Variants in THUMPD2 observed in about 807,000 individuals in gnomAD.
THUMPD2 encodes U6 snRNA (guanine-N(2))-methyltransferase THUMPD2.
Under a neutral mutation model 49.4 loss-of-function variants are expected in THUMPD2, and 56 were observed. The ratio of observed to expected loss-of-function variants is 1.13; its 90% confidence interval spans 0.91 to 1.41. The LOEUF (loss-of-function observed/expected upper bound fraction) is 1.41, where lower values mean the gene tolerates loss of function less well. THUMPD2 is among the 40% of genes most tolerant of loss of function. The probability of loss-of-function intolerance (pLI) is 0.00; values close to 1 mark genes in which losing one functional copy is unlikely to be tolerated. For synonymous variants in THUMPD2, 237 were observed against 205.2 expected, an observed-to-expected ratio of 1.15 and a Z score of -1.32; for missense variants, 709 against 594.5, an observed-to-expected ratio of 1.19 and a Z score of -2.00.
intron 8 of THUMPD2, 195 bp from the exon 9 acceptor site, chr2:39,744,673 T>C (rs974580649): frequency 2.1e-5 from 8 of 379,160 alleles, no homozygotes; most frequent in Non-Finnish European, 3.7e-5. Context: ...GTTATTGTAT[T>C]CTGTTCGTTG....
At position 39,779,251 on chromosome 2, in the gene THUMPD2, C is replaced by T. The variant is rs751989385; in HGVS notation, c.-12G>A. The T allele has an allele frequency of 1.6e-5, 24 of 1,476,784 alleles. No individual in the cohort carries two copies. The highest frequency in any genetic ancestry group is 2.1e-5 in the Non-Finnish European group (24 of 1,122,682). The allele number at this position is 1,476,784 out of a possible 1,614,324, so 91.5% of individuals were successfully genotyped here. On this transcript the variant is annotated 5_prime_UTR_variant, in exon 1 of 10. Coordinates refer to ENST00000505747, the MANE Select transcript of THUMPD2 (RefSeq NM_025264.5). ...CGCGCCTCCGACATGGCGGCTCAGGCGCGCCCTCGCGCCTTCGGGTCACGT... is the reference window on the plus strand; with the variant it reads ...CGCGCCTCCGACATGGCGGCTCAGGTGCGCCCTCGCGCCTTCGGGTCACGT...
intron 8 of THUMPD2, among the ~76,000 whole-genome samples, chr2:39,749,423 G>C (rs1174511595): frequency 6.6e-6 from 1 of 152,178 alleles, no homozygotes; most frequent in East Asian, 1.9e-4. Context: ...GCTTCATTTT[G>C]CTTAGGTGCA....
At chr2:39,748,893 G>A (rs1162391413) in intron 8 of THUMPD2, among the ~76,000 whole-genome samples, 4 of 151,758 alleles carry the variant, frequency 2.6e-5, no homozygotes, top group African/African-American at 9.7e-5. Context: ...GAGATGGGAG[G>A]ACTGCTTGAG....
At chr2:39,771,998 C>T (rs1421230316) in intron 1 of THUMPD2, among the ~76,000 whole-genome samples, 2 of 152,096 alleles carry the variant, frequency 1.3e-5, no homozygotes, top group African/African-American at 4.8e-5. Flanking sequence ...CACATTAAAA[C>T]ATAAGATTTA....
At chr2:39,746,865 T>G (rs1432230490) in intron 8 of THUMPD2, among the ~76,000 whole-genome samples, 1 of 151,366 alleles carries the variant, frequency 6.6e-6, no homozygotes, top group Non-Finnish European at 1.5e-5. Context: ...ATATCCTTCT[T>G]CCTATTTTTG....
At chr2:39,748,311 T>C (rs914317036) in intron 8 of THUMPD2, among the ~76,000 whole-genome samples, 2 of 152,224 alleles carry the variant, frequency 1.3e-5, no homozygotes, top group Admixed American at 6.5e-5. Context: ...ACCCAACTGA[T>C]GGACAAGCAA....
rs1388384820 is a variant in THUMPD2 at position 39,751,980 on chromosome 2, G to A, written c.1078+3315C>T. ...GGGATTATAGGCATAAAGCCACTGC[G>A]CCTGACTAAGATAATTTCTTTTTAT... is the stretch of plus-strand genomic sequence containing the variant. On this transcript the variant is annotated intron_variant, in intron 8 of 9. Coordinates refer to ENST00000505747, the MANE Select transcript of THUMPD2 (RefSeq NM_025264.5). Among the ~76,000 whole-genome samples, 5 of 152,018 alleles carry A rather than the reference G, an allele frequency of 3.3e-5. No individual in the cohort carries two copies. In the South Asian group the frequency reaches 8.3e-4, roughly 25 times the overall value.
Position 39,766,103 on chromosome 2 carries a change from T to A in THUMPD2, c.757A>T (p.Ile253Leu). 6.3e-7 allele frequency: 1 copy of A among 1,576,678 alleles called. No homozygotes were observed. The highest frequency in any genetic ancestry group is 8.6e-7 in the Non-Finnish European group (1 of 1,167,048). The stretch of plus-strand genomic sequence containing the variant: ...ACAGAGTAAATGTCATTTAGATGTA[T>A]AAAGATCTGAAAGAACAAACACAGA... ...DLRNPQLEIF[I>L]HLNDIYSVVG... Residue 253 changes from isoleucine (I) to leucine (L), a missense_variant, in exon 5 of 10, where the codon ATA (isoleucine) becomes TTA (leucine). Physicochemically the swap from Ile to Leu is conservative, Grantham distance 5. Transcript: ENST00000505747.
chr2:39,764,870 A>C (rs911116460), intron 5 of THUMPD2, among the ~76,000 whole-genome samples: 3 of 152,232 alleles, frequency 2.0e-5, no homozygotes, highest in African/African-American at 7.2e-5. Flanking sequence ...TCAAGGTCTC[A>C]GTCTTAATTT....
chr2:39,779,125 C>G lies in THUMPD2; in HGVS notation c.115G>C (p.Ala39Pro), dbSNP rs1228699915. The G allele has an allele frequency of 2.6e-6, 4 of 1,511,570 alleles. No homozygotes were observed. Among genetic ancestry groups the G allele is most frequent in the Non-Finnish European group, 3.5e-6 (4 of 1,136,248 alleles). 93.6% of individuals were successfully genotyped at this position (1,511,570 alleles called of 1,614,324 possible). A position where few individuals can be genotyped will look rare whatever the true frequency, so the allele number is the denominator to read the frequency against. The part of the protein sequence containing the change: ...FVMREVRARL[A>P]ATQVEYISGK... ...CGAGGCCAACTCACCTGCGTGGCCG[C>G]CAGCCGCGCCCGCACCTCTCGCATT... Residue 39 changes from alanine to proline, a missense_variant, in exon 1 of 10, where the codon GCG (alanine) becomes CCG (proline). Physicochemically the swap from Ala to Pro is conservative, Grantham distance 27 (BLOSUM62 -1). Coordinates refer to ENST00000505747, the MANE Select transcript of THUMPD2 (RefSeq NM_025264.5).
At chr2:39,754,092 C>T (rs1675784862) in intron 8 of THUMPD2, among the ~76,000 whole-genome samples, 1 of 152,096 alleles carries the variant, frequency 6.6e-6, no homozygotes, top group South Asian at 2.1e-4. Context: ...CTCAGTACTC[C>T]CTCCTTCATG....
rs573458232 is a variant in THUMPD2, at chr2:39,770,974, T to C, written c.262+531A>G. On this transcript the variant is annotated intron_variant, in intron 2 of 9. Coordinates refer to ENST00000505747, the MANE Select transcript of THUMPD2 (RefSeq NM_025264.5). ...AGATCCATATGTTGTTTTAGCAGCATATTTATAAAATTTAGAGAGTGGACA... is the reference window on the plus strand; with the variant it reads ...AGATCCATATGTTGTTTTAGCAGCACATTTATAAAATTTAGAGAGTGGACA... 3.9e-5 allele frequency among the ~76,000 whole-genome samples: 6 copies of C among 152,266 alleles called. No homozygotes were observed. The East Asian group carries it at 5.8e-4, about 15-fold the overall frequency.
At position 39,745,624 on chromosome 2, in the gene THUMPD2, T is replaced by C. The variant is rs943289573; in HGVS notation, c.1079-1146A>G. Among the ~76,000 whole-genome samples, 12 of 152,200 alleles carry C rather than the reference T, an allele frequency of 7.9e-5. No individual in the cohort carries two copies. In the East Asian group the frequency reaches 2.3e-3, roughly 29 times the overall value. On this transcript the variant is annotated intron_variant, in intron 8 of 9. Transcript: ENST00000505747. Reference sequence around the variant, plus strand: ...TGAATTTAATCCCAAGTCTTTCTTTTGCCTCACACTACACACACAGTACCT... The same window carrying C: ...TGAATTTAATCCCAAGTCTTTCTTTCGCCTCACACTACACACACAGTACCT...
At chr2:39,769,026 TCTC>T in intron 3 of THUMPD2, 1 of 1,304,734 alleles carries the variant, frequency 7.7e-7, no homozygotes, top group Non-Finnish European at 1.0e-6. Context: ...TGTTCGCTCT[TCTC>T]TACATTGCTG....
intron 9 of THUMPD2, among the ~76,000 whole-genome samples, chr2:39,742,783 G>C (rs1393468443): frequency 6.6e-6 from 1 of 152,180 alleles, no homozygotes; most frequent in African/African-American, 2.4e-5. Flanking sequence ...AATTAAGTTA[G>C]CGCCTTCGTG....
chr2:39,755,432 A>G, intron 7 of THUMPD2, 23 bp from the exon 8 acceptor site: 1 of 1,436,004 alleles, frequency 7.0e-7, no homozygotes, highest in Non-Finnish European at 9.5e-7. Context: ...AAATATTTTA[A>G]GCATAAATAA....
Position 39,755,887 on chromosome 2 carries a change from A to G in THUMPD2, c.963+2T>C, listed in dbSNP as rs140688517. On this transcript the variant is annotated splice_donor_variant, in intron 7 of 9. Transcript: ENST00000505747. LOFTEE classifies it high-confidence loss of function. Reference sequence around the variant, plus strand: ...CTTGCTTTACCAAACTTTAGAACTTACTGGCCATTCTTTAGCAGCTTCCAA... The same window carrying G: ...CTTGCTTTACCAAACTTTAGAACTTGCTGGCCATTCTTTAGCAGCTTCCAA... The G allele has an allele frequency of 6.2e-7, 1 of 1,613,528 alleles. No individual in the cohort carries two copies. Among genetic ancestry groups the G allele is most frequent in the African/African-American group, 1.3e-5 (1 of 74,916 alleles).
At position 39,769,379 on chromosome 2, in the gene THUMPD2, A is replaced by C. The variant is rs1322849114; in HGVS notation, c.672+331T>G. 6 of 238,456 alleles carry C rather than the reference A, an allele frequency of 2.5e-5. No individual in the cohort carries two copies. The Admixed American group carries it at 3.0e-4, about 12-fold the overall frequency. The allele number at this position is 238,456 out of a possible 1,614,324, so 14.8% of individuals were successfully genotyped here. On this transcript the variant is annotated intron_variant, in intron 3 of 9. Coordinates refer to ENST00000505747, the MANE Select transcript of THUMPD2 (RefSeq NM_025264.5). ...TGTGAGAGGTTTGCATCTCATTTTA[A>C]ATCTAAAGAATAATTAATTCTTTAA...
intron 5 of THUMPD2, among the ~76,000 whole-genome samples, chr2:39,764,979 A>C (rs1677311631): frequency 1.3e-5 from 2 of 152,224 alleles, no homozygotes; most frequent in East Asian, 1.9e-4. Context: ...GCAAGCATTA[A>C]AATAATTTTA....
Sources: allele counts gnomAD v4.1 joint callset (sites outside exome capture counted in the v4.1 genomes callset), GRCh38; gene constraint gnomAD v4.1.1; transcripts MANE v1.5; gene names NCBI Gene and HGNC (gene_info 2026-07-23, HGNC 2026-07-21).